Variants in FBRSL1 observed in about 807,000 individuals in gnomAD.
FBRSL1 encodes the protein fibrosin like 1.
FBRSL1 carries 51 observed loss-of-function variants against 89.6 expected under a neutral mutation model. The ratio of observed to expected loss-of-function variants is 0.57; its 90% CI spans 0.45 to 0.72. The LOEUF (loss-of-function observed/expected upper bound fraction) is 0.72. Among genes scored for constraint, FBRSL1 ranks in the 30% least tolerant of loss-of-function variants. The pLI, the probability that FBRSL1 is intolerant of heterozygous loss-of-function variation, is 0.00. For missense variants in FBRSL1, 1,618 were observed against 1,451.8 expected, an observed-to-expected ratio of 1.11 and a Z score of -1.86; for synonymous variants, 779 against 681.1, an observed-to-expected ratio of 1.14 and a Z score of -2.24.
intron 4 of FBRSL1, among the ~76,000 whole-genome samples, chr12:132,537,048 G>A (rs1047606005): frequency 1.3e-5 from 2 of 152,194 alleles, no homozygotes; most frequent in African/African-American, 4.8e-5. Flanking sequence ...CTGGTGGCCA[G>A]CTCTTGTCAC....
Position 132,567,403 on chromosome 12 carries a change from G to A in FBRSL1, c.646-78G>A, listed in dbSNP as rs944060192. The A allele has an allele frequency of 2.8e-6, 4 of 1,419,778 alleles. No homozygotes were observed. The African/African-American group carries it at 4.3e-5, about 15-fold the overall frequency. The allele number at this position is 1,419,778 out of a possible 1,614,324, so 87.9% of individuals were successfully genotyped here. Reference sequence around the variant, plus strand: ...CCCTGCTGGAAAACCACCCAGACTTGTGTGTGGGCATTGGGCGCAAGGTCC... The same window carrying A: ...CCCTGCTGGAAAACCACCCAGACTTATGTGTGGGCATTGGGCGCAAGGTCC... On this transcript the variant is annotated intron_variant, in intron 5 of 18. Coordinates refer to ENST00000680143, the MANE Select transcript of FBRSL1 (RefSeq NM_001367871.1).
intron 15 of FBRSL1, among the ~76,000 whole-genome samples, chr12:132,578,367 A>ACACACACACAC (rs1566244737): frequency 6.6e-6 from 1 of 151,762 alleles, no homozygotes; most frequent in Non-Finnish European, 1.5e-5. Flanking sequence ...ACACACACAC[A>ACACACACACAC]AAATCATAGA....
chr12:132,523,313 C>T (rs567284615), intron 2 of FBRSL1, among the ~76,000 whole-genome samples: 4 of 152,082 alleles, frequency 2.6e-5, no homozygotes, highest in Non-Finnish European at 4.4e-5. Context: ...CAGGGTTTTT[C>T]GAGACGTGGG....
chr12:132,543,902 G>T lies in FBRSL1; in HGVS notation c.616-4101G>T, dbSNP rs562088677. On this transcript the variant is annotated intron_variant, in intron 4 of 18. Coordinates refer to ENST00000680143, the MANE Select transcript of FBRSL1 (RefSeq NM_001367871.1). ...AGATAGAGCTTCCCAGGGCCTGGGG[G>T]AGCTGAGCTGCGGGCTTGGGGTGGG... Among the ~76,000 whole-genome samples the T allele has an allele frequency of 1.1e-4, 16 of 152,322 alleles. No homozygotes were observed. In the East Asian group the frequency reaches 3.1e-3, roughly 29 times the overall value.
chr12:132,577,229 C>T (rs1490055324), intron 15 of FBRSL1, among the ~76,000 whole-genome samples: 2 of 152,126 alleles, frequency 1.3e-5, no homozygotes, highest in Non-Finnish European at 2.9e-5. Context: ...TCCTGGGGGG[C>T]CTTCAGCCCA....
chr12:132,582,744 A>T (rs10870475), intron 18 of FBRSL1, among the ~76,000 whole-genome samples: 106,504 of 151,904 alleles, frequency 0.7, 37,469 homozygotes, highest in East Asian at 0.82. Context: ...AAGTCGCTGC[A>T]GGCGGCTCAT....
chr12:132,568,965 C>T (rs1354064949), intron 6 of FBRSL1, among the ~76,000 whole-genome samples: 1 of 151,984 alleles, frequency 6.6e-6, no homozygotes, highest in Non-Finnish European at 1.5e-5. Flanking sequence ...CAGCTGTCCC[C>T]ATGGGCCATG....
At chr12:132,517,644 G>A (rs144306357) in intron 2 of FBRSL1, among the ~76,000 whole-genome samples, 125 of 152,346 alleles carry the variant, frequency 8.2e-4, no homozygotes, top group Non-Finnish European at 1.6e-3. Flanking sequence ...AGGGAAGAGC[G>A]CTCTGGGTAG....
At chr12:132,522,650 C>A (rs1262465303) in intron 2 of FBRSL1, among the ~76,000 whole-genome samples, 1 of 152,234 alleles carries the variant, frequency 6.6e-6, no homozygotes, top group African/African-American at 2.4e-5. Context: ...GGAGCTGTTC[C>A]TCCTGCCCTG....
chr12:132,542,218 C>T (rs2037324008), intron 4 of FBRSL1, among the ~76,000 whole-genome samples: 1 of 152,196 alleles, frequency 6.6e-6, no homozygotes, highest in Non-Finnish European at 1.5e-5. Context: ...AGATGCTCCT[C>T]GTATCCCCGG....
chr12:132,562,764 G>A (rs967050288), intron 5 of FBRSL1, among the ~76,000 whole-genome samples: 2 of 152,066 alleles, frequency 1.3e-5, no homozygotes, highest in African/African-American at 4.8e-5. Flanking sequence ...GGCCCGCCTC[G>A]GCTCTTGCCA....
At chr12:132,580,589 C>T (rs540932298) in intron 15 of FBRSL1, among the ~76,000 whole-genome samples, 5 of 152,278 alleles carry the variant, frequency 3.3e-5, no homozygotes, top group East Asian at 3.9e-4. Context: ...GCTGTGTTTT[C>T]GTAGCATGGG....
chr12:132,562,411 A>T (rs1358681326), intron 5 of FBRSL1, among the ~76,000 whole-genome samples: 1 of 152,022 alleles, frequency 6.6e-6, no homozygotes, highest in Non-Finnish European at 1.5e-5. Context: ...GGGGTCTCCT[A>T]GCTTCCATCC....
intron 5 of FBRSL1, among the ~76,000 whole-genome samples, chr12:132,560,567 C>T (rs1303587650): frequency 6.6e-6 from 1 of 152,166 alleles, no homozygotes; most frequent in African/African-American, 2.4e-5. Context: ...CGCTCACCTG[C>T]CCCGAGTTGG....
At chr12:132,519,051 G>C (rs2035116142) in intron 2 of FBRSL1, among the ~76,000 whole-genome samples, 1 of 152,270 alleles carries the variant, frequency 6.6e-6, no homozygotes, top group Admixed American at 6.5e-5. Context: ...GCGTACTGGA[G>C]TGTCCCGCAC....
chr12:132,515,530 CAA>C (rs71274843), intron 2 of FBRSL1, among the ~76,000 whole-genome samples: 10 of 128,320 alleles, frequency 7.8e-5, no homozygotes, highest in Admixed American at 7.8e-5. Context: ...CTTAAGAAAC[CAA>C]AAAAAAAAAA....
At position 132,572,337 on chromosome 12, in the gene FBRSL1, G is replaced by A; in HGVS notation, c.1427G>A (p.Ser476Asn). ...GACAGCCCCTACTTCCGACATTCCA[G>A]CGTGAGTGTGAGTGTCCCCGAGGGG... Reference protein sequence around the residue: ...KLDSPYFRHSSVSFFPSFPPA... With the variant: ...KLDSPYFRHSNVSFFPSFPPA... The change falls in exon 10 of 19, where the codon AGC (serine) becomes AAC (asparagine). Residue 476 changes from serine to asparagine, a missense_variant. Physicochemically the swap from Ser to Asn is conservative, Grantham distance 46. Transcript: ENST00000680143. 6.4e-7 allele frequency: 1 copy of A among 1,551,116 alleles called. No homozygotes were observed. Among genetic ancestry groups the A allele is most frequent in the Non-Finnish European group, 8.7e-7 (1 of 1,146,720 alleles).
chr12:132,533,668 C>CTGCCACCCATCTGTCCGTCCA (rs1288481793), intron 4 of FBRSL1, among the ~76,000 whole-genome samples: 1 of 152,270 alleles, frequency 6.6e-6, no homozygotes, highest in Non-Finnish European at 1.5e-5. Context: ...TGTCCCTCGT[C>CTGCCACCCATCTGTCCGTCCA]TGCCACCCAT....
chr12:132,499,727 G>A lies in FBRSL1; in HGVS notation c.292-8426G>A, dbSNP rs1271175800. Among the ~76,000 whole-genome samples, 5 of 151,656 alleles carry A rather than the reference G, an allele frequency of 3.3e-5. No homozygotes were observed. The highest frequency in any genetic ancestry group is 1.2e-4 in the African/African-American group (5 of 41,278). The stretch of plus-strand genomic sequence containing the variant: ...GGCTGGGGGGCTGCAGGGCTGGGGG[G>A]TGGGGCGCTGCGCAGCACCTAAACT... On this transcript the variant is annotated intron_variant, in intron 1 of 18. Transcript: ENST00000680143. This position sits in a 1 kb window ranked among gnomAD's most constrained non-coding sequence, Gnocchi z 4.3.
Sources: allele counts gnomAD v4.1 joint callset (sites outside exome capture counted in the v4.1 genomes callset), GRCh38; gene constraint gnomAD v4.1.1; non-coding constraint Gnocchi (gnomAD v3.1); transcripts MANE v1.5; gene names NCBI Gene and HGNC (gene_info 2026-07-23, HGNC 2026-07-21).